The following RUNX1 variants were observed in gnomAD, a reference collection of about 807,000 sequenced individuals.
The protein encoded by RUNX1 is runt-related transcription factor 1.
In RUNX1, 19 loss-of-function variants were observed where a neutral mutation model predicts 42.8. That is an observed-to-expected ratio of 0.44 (90% CI 0.31 to 0.65). RUNX1 has a LOEUF of 0.65. Among genes scored for constraint, RUNX1 ranks in the 30% least tolerant of loss-of-function variants. RUNX1 has a pLI of 0.07. For missense variants in RUNX1, 528 were observed against 672.0 expected (o/e 0.79, Z 2.37); for synonymous variants, 271 against 289.4 (o/e 0.94, Z 0.64).
At chr21:34,947,057 C>G (rs895120266) in intron 2 of RUNX1, among the ~76,000 whole-genome samples, 111 of 152,212 alleles carry the variant, frequency 7.3e-4, no homozygotes, top group African/African-American at 2.6e-3. Flanking sequence ...CACTCTCTCC[C>G]TCTTCTGGTC....
chr21:35,036,893 G>A (rs1392539254), intron 2 of RUNX1, among the ~76,000 whole-genome samples: 1 of 152,204 alleles, frequency 6.6e-6, no homozygotes, highest in Non-Finnish European at 1.5e-5. Context: ...CCTGGCTAGG[G>A]TCAGTCAGGG....
intron 2 of RUNX1, among the ~76,000 whole-genome samples, chr21:35,011,652 A>C (rs2059127436): frequency 6.6e-6 from 1 of 152,224 alleles, no homozygotes; most frequent in South Asian, 2.1e-4. Context: ...GCTGACTGTC[A>C]AGTGGAATTG....
At position 34,955,099 on chromosome 21, in the gene RUNX1, G is replaced by GT. The variant is rs981713497; in HGVS notation, c.59-62137dup. 2.9e-4 allele frequency among the ~76,000 whole-genome samples: 44 copies of GT among 152,068 alleles called. 1 individual carries two copies. Among genetic ancestry groups the GT allele is most frequent in the Admixed American group, 2.2e-3 (34 of 15,262 alleles). On this transcript the variant is annotated intron_variant, in intron 2 of 8. Coordinates refer to ENST00000675419, the MANE Select transcript of RUNX1 (RefSeq NM_001754.5). ...ATGGCTGTGCCTCCTTCCTAGGGCA[G>GT]TTTTTTATTTTTCAAAGTATGGTTG...
At chr21:34,844,066 A>G (rs79906723) in intron 6 of RUNX1, among the ~76,000 whole-genome samples, 4,302 of 152,236 alleles carry the variant, frequency 0.028, 70 homozygotes, top group African/African-American at 0.044. Context: ...TCCCTAGGTT[A>G]AGGTCTTATC....
intron 5 of RUNX1, among the ~76,000 whole-genome samples, chr21:34,864,700 C>T (rs564426495): frequency 1.0e-3 from 159 of 152,308 alleles, no homozygotes; most frequent in African/African-American, 3.7e-3. Flanking sequence ...AGTCCTTCCT[C>T]CTGCTCACTG....
At chr21:34,810,235 C>G (rs1237853753) in intron 7 of RUNX1, among the ~76,000 whole-genome samples, 1 of 152,252 alleles carries the variant, frequency 6.6e-6, no homozygotes, top group Non-Finnish European at 1.5e-5. Flanking sequence ...TTGAAAAATT[C>G]TAGAGTGGCT....
chr21:34,798,562 C>T (rs1050999292), intron 8 of RUNX1, among the ~76,000 whole-genome samples: 3 of 151,906 alleles, frequency 2.0e-5, no homozygotes, highest in Non-Finnish European at 2.9e-5. Context: ...TCTCTATATC[C>T]GTGGGTTCTG....
At chr21:34,889,924 C>G in intron 3 of RUNX1, 2 of 946,256 alleles carry the variant, frequency 2.1e-6, no homozygotes, top group East Asian at 5.1e-5. Flanking sequence ...GTCCCCGGAT[C>G]CCGGCCCCGT....
chr21:34,993,004 G>A (rs766436605), intron 2 of RUNX1, among the ~76,000 whole-genome samples: 1 of 152,248 alleles, frequency 6.6e-6, no homozygotes, highest in Non-Finnish European at 1.5e-5. Context: ...CCAGCAGGGT[G>A]GACGGTTCCC....
intron 2 of RUNX1, among the ~76,000 whole-genome samples, chr21:34,962,710 C>T (rs2058690169): frequency 1.3e-5 from 2 of 152,216 alleles, no homozygotes; most frequent in South Asian, 4.1e-4. Context: ...CCCTCGTTCA[C>T]AGACATACGC....
intron 2 of RUNX1, among the ~76,000 whole-genome samples, chr21:35,039,493 C>G (rs889140670): frequency 6.6e-6 from 1 of 152,098 alleles, no homozygotes; most frequent in Non-Finnish European, 1.5e-5. Context: ...TGAAACTATA[C>G]AGAACTATAT....
chr21:34,809,018 A>T (rs1340996833), intron 7 of RUNX1, among the ~76,000 whole-genome samples: 2 of 152,284 alleles, frequency 1.3e-5, no homozygotes, highest in East Asian at 3.9e-4. Context: ...TTGCAGACAG[A>T]TTCTTTCTCT....
chr21:34,984,060 G>A (rs928819295), intron 2 of RUNX1, among the ~76,000 whole-genome samples: 8 of 152,166 alleles, frequency 5.3e-5, no homozygotes, highest in African/African-American at 1.9e-4. Flanking sequence ...CCCAGAAATG[G>A]GCTGAGCTGG....
At chr21:34,948,394 G>A (rs781426682) in intron 2 of RUNX1, among the ~76,000 whole-genome samples, 5 of 151,998 alleles carry the variant, frequency 3.3e-5, no homozygotes. Context: ...TCATTCTCTC[G>A]GGGTTTTCAG....
chr21:34,863,440 C>G (rs371119044), intron 5 of RUNX1, among the ~76,000 whole-genome samples: 2 of 152,184 alleles, frequency 1.3e-5, no homozygotes, highest in Non-Finnish European at 2.9e-5. Flanking sequence ...TCATGACACC[C>G]CATCTGGTAA....
At chr21:35,012,856 T>C (rs2059135452) in intron 2 of RUNX1, among the ~76,000 whole-genome samples, 1 of 152,196 alleles carries the variant, frequency 6.6e-6, no homozygotes, top group Admixed American at 6.5e-5. Context: ...ACTTTTATGG[T>C]AAAATGTCAG....
chr21:34,894,062 A>G (rs1452211485), intron 2 of RUNX1, among the ~76,000 whole-genome samples: 1 of 152,220 alleles, frequency 6.6e-6, no homozygotes, highest in Non-Finnish European at 1.5e-5. Flanking sequence ...AGAGCAAGGC[A>G]GAGAACTAAT....
rs925025795 is a variant in RUNX1, at chr21:35,017,589, A to G, written c.58+31253T>C. On this transcript the variant is annotated intron_variant, in intron 2 of 8. Transcript: ENST00000675419. ...TATCTGGTGTGACTTTGGATAAGTT[A>G]TTTCACCTCCGTGGGCCAGAAGGTG... is the stretch of plus-strand genomic sequence containing the variant. Among the ~76,000 whole-genome samples, 12 of 152,254 alleles carry G rather than the reference A, an allele frequency of 7.9e-5. No individual in the cohort carries two copies. The South Asian group carries it at 2.5e-3, about 32-fold the overall frequency.
At chr21:34,882,549 C>T (rs1164917194) in intron 4 of RUNX1, among the ~76,000 whole-genome samples, 1 of 152,134 alleles carries the variant, frequency 6.6e-6, no homozygotes, top group African/African-American at 2.4e-5. Context: ...CCCCAAGCAC[C>T]CTCTAATTAG....
Sources: gnomAD v4.1 joint callset for allele counts (sites outside exome capture counted in the v4.1 genomes callset) on GRCh38, gnomAD v4.1.1 for gene constraint, MANE v1.5 for transcripts, NCBI Gene and HGNC (gene_info 2026-07-23, HGNC 2026-07-21) for gene names.